Variants in FMNL2 observed in about 807,000 individuals in gnomAD.
FMNL2 encodes formin like 2, also known as formin-like protein 2.
FMNL2 carries 51 observed loss-of-function variants against 130.2 expected under a neutral mutation model. The ratio of observed to expected loss-of-function variants is 0.39; its 90% CI spans 0.31 to 0.49. The LOEUF (loss-of-function observed/expected upper bound fraction) is 0.49, where lower values mean the gene tolerates loss of function less well. Ranked by LOEUF, FMNL2 falls within the 20% of genes least tolerant of loss-of-function variation. The pLI is 0.85. For missense variants in FMNL2, 977 were observed against 1,316.2 expected, an observed-to-expected ratio of 0.74 and a Z score of 3.99; for synonymous variants, 465 against 467.1, an observed-to-expected ratio of 1.00 and a Z score of 0.06.
intron 1 of FMNL2, among the ~76,000 whole-genome samples, chr2:152,514,574 C>T (rs1175339014): frequency 6.6e-6 from 1 of 152,084 alleles, no homozygotes; most frequent in Non-Finnish European, 1.5e-5. Context: ...TGTCAAGACC[C>T]TCAGTGGATA....
In FMNL2 at chr2:152,335,540, G is replaced by C. The variant is rs1681349553; in HGVS notation, c.-64G>C. 2.1e-6 allele frequency: 3 copies of C among 1,414,550 alleles called. No homozygotes were observed. The Admixed American group carries it at 6.0e-5, about 28-fold the overall frequency. The allele number at this position is 1,414,550 out of a possible 1,614,324, so 87.6% of individuals were successfully genotyped here. On this transcript the variant is annotated 5_prime_UTR_variant, in exon 1 of 26. Transcript: ENST00000288670. Reference sequence around the variant, plus strand: ...GGGCGGCAGCCGACCGCCGGGAGCTGTTCTGATTTCCGACGCGCACGCTAG... The same window carrying C: ...GGGCGGCAGCCGACCGCCGGGAGCTCTTCTGATTTCCGACGCGCACGCTAG...
At chr2:152,519,135 C>T (rs1692936727) in intron 1 of FMNL2, among the ~76,000 whole-genome samples, 1 of 152,196 alleles carries the variant, frequency 6.6e-6, no homozygotes, top group East Asian at 1.9e-4. Context: ...CGCCCTCTGC[C>T]TGGCCAATCC....
chr2:152,531,073 C>G (rs554949616), intron 2 of FMNL2, among the ~76,000 whole-genome samples: 2 of 152,176 alleles, frequency 1.3e-5, no homozygotes, highest in Non-Finnish European at 2.9e-5. Context: ...TATCCTTATA[C>G]AGATGTTTCT....
intron 21 of FMNL2, among the ~76,000 whole-genome samples, chr2:152,632,678 T>A (rs78318142): frequency 0.013 from 1,954 of 152,268 alleles, 47 homozygotes; most frequent in African/African-American, 0.044. Flanking sequence ...GTGAGAAAAT[T>A]GAGATTTTTC....
chr2:152,347,175 G>A (rs1042492835), intron 1 of FMNL2, among the ~76,000 whole-genome samples: 1 of 151,960 alleles, frequency 6.6e-6, no homozygotes. Flanking sequence ...CCTCCCTCTT[G>A]TTCTTCAGGA....
intron 9 of FMNL2, among the ~76,000 whole-genome samples, chr2:152,605,302 G>A (rs935807826): frequency 4.7e-5 from 7 of 148,704 alleles, no homozygotes; most frequent in African/African-American, 1.5e-4. Flanking sequence ...GCGTCTGTGC[G>A]TGTGCGTGTG....
chr2:152,516,976 CA>C (rs1373355802), intron 1 of FMNL2, among the ~76,000 whole-genome samples: 1 of 122,876 alleles, frequency 8.1e-6, no homozygotes, highest in African/African-American at 3.1e-5. Flanking sequence ...CATTTAAAAG[CA>C]AATTAAGATT....
At chr2:152,604,213 G>C (rs757706418) in intron 9 of FMNL2, among the ~76,000 whole-genome samples, 5 of 150,868 alleles carry the variant, frequency 3.3e-5, no homozygotes, top group Non-Finnish European at 5.9e-5. Context: ...GGCATTCTGG[G>C]CTATGTGGGA....
At chr2:152,582,532 A>G (rs911076449) in intron 9 of FMNL2, among the ~76,000 whole-genome samples, 1 of 152,222 alleles carries the variant, frequency 6.6e-6, no homozygotes, top group African/African-American at 2.4e-5. Context: ...AGATAGTGAA[A>G]AAATATCCAG....
chr2:152,494,397 G>T (rs550236542), intron 1 of FMNL2, among the ~76,000 whole-genome samples: 1 of 152,268 alleles, frequency 6.6e-6, no homozygotes, highest in Non-Finnish European at 1.5e-5. Context: ...GTAAAAGAAG[G>T]ATTATAAACT....
chr2:152,619,482 T>G, intron 14 of FMNL2, 27 bp from the exon 15 acceptor site: 2 of 1,549,806 alleles, frequency 1.3e-6, no homozygotes, highest in Non-Finnish European at 1.7e-6. Context: ...ATTTTCAAAG[T>G]CCATCTGTTT....
chr2:152,390,278 G>A (rs2105924896), intron 1 of FMNL2: 7 of 1,403,894 alleles, frequency 5.0e-6, no homozygotes, highest in Middle Eastern at 4.4e-4. Context: ...GGCTCAAGGG[G>A]CAGCCAGCAA....
intron 1 of FMNL2, among the ~76,000 whole-genome samples, chr2:152,337,960 T>C (rs1423877410): frequency 1.3e-5 from 2 of 151,964 alleles, no homozygotes; most frequent in African/African-American, 4.8e-5. Context: ...TGAGAGGAGT[T>C]GAAACCTTCC....
intron 23 of FMNL2, 95 bp from the exon 24 acceptor site, chr2:152,639,863 C>T (rs1263538718): frequency 1.5e-5 from 16 of 1,041,158 alleles, no homozygotes; most frequent in East Asian, 5.3e-5. Flanking sequence ...TTGTAATTCT[C>T]AACTCACTAA....
rs527239823 is a variant in FMNL2 at position 152,604,389 on chromosome 2, G to A, written c.877-2950G>A. The stretch of plus-strand genomic sequence containing the variant: ...ATTTTTCAGCTTTCTAACATTCTTC[G>A]AAGAGCTTTGCCTCCCTAGGAATTG... On this transcript the variant is annotated intron_variant, in intron 9 of 25. Coordinates refer to ENST00000288670, the MANE Select transcript of FMNL2 (RefSeq NM_052905.4). Among the ~76,000 whole-genome samples, 21 of 151,004 alleles carry A rather than the reference G, an allele frequency of 1.4e-4. 1 individual carries two copies. The South Asian group carries it at 4.4e-3, about 31-fold the overall frequency.
At position 152,461,892 on chromosome 2, in the gene FMNL2, C is replaced by CT. The variant is rs138003895; in HGVS notation, c.118-60044dup. Reference sequence around the variant, plus strand: ...AAAGGTAGTCACTAGCCCTACATAGCTTTTTTTCTTTTTAATTTTTTTGAG... The same window carrying CT: ...AAAGGTAGTCACTAGCCCTACATAGCTTTTTTTTCTTTTTAATTTTTTTGAG... On this transcript the variant is annotated intron_variant, in intron 1 of 25. Coordinates refer to ENST00000288670, the MANE Select transcript of FMNL2 (RefSeq NM_052905.4). Among the ~76,000 whole-genome samples the CT allele has an allele frequency of 4.2e-3, 636 of 150,276 alleles. 4 individuals carry two copies. Among genetic ancestry groups the CT allele is most frequent in the African/African-American group, 0.013 (544 of 40,760 alleles).
chr2:152,414,032 T>G lies in FMNL2; in HGVS notation c.117+78312T>G, dbSNP rs565822087. 3.9e-4 allele frequency among the ~76,000 whole-genome samples: 60 copies of G among 152,354 alleles called. 1 individual carries two copies. The highest frequency in any genetic ancestry group is 3.4e-3 in the Middle Eastern group (1 of 294). On this transcript the variant is annotated intron_variant, in intron 1 of 25. Transcript: ENST00000288670. ...GAGTAATGCATCTGTTTGCCATAAA[T>G]GTGATTATTGATGTACACGAGCTTA...
intron 1 of FMNL2, among the ~76,000 whole-genome samples, chr2:152,360,894 C>G (rs1013776620): frequency 2.0e-5 from 3 of 152,182 alleles, no homozygotes; most frequent in Admixed American, 6.5e-5. Context: ...AAAGCTCACA[C>G]TGAAGAAAGG....
At chr2:152,356,615 C>T (rs1481143211) in intron 1 of FMNL2, among the ~76,000 whole-genome samples, 1 of 152,182 alleles carries the variant, frequency 6.6e-6, no homozygotes, top group African/African-American at 2.4e-5. Context: ...AAATTTGTCA[C>T]CAGATGTGCA....
Sources: gnomAD v4.1 joint callset for allele counts (sites outside exome capture counted in the v4.1 genomes callset) on GRCh38, gnomAD v4.1.1 for gene constraint, MANE v1.5 for transcripts, NCBI Gene and HGNC (gene_info 2026-07-23, HGNC 2026-07-21) for gene names.